The following LRP8 variants were observed in gnomAD, a reference collection of about 807,000 sequenced individuals.
LRP8 encodes LDL receptor related protein 8.
In LRP8, 46 loss-of-function variants were observed where a neutral mutation model predicts 111.6. That is an observed-to-expected ratio of 0.41 (90% CI 0.33 to 0.53). The LOEUF is 0.53. Ranked by LOEUF, LRP8 falls within the 20% of genes least tolerant of loss-of-function variation. The pLI is 0.20. For missense variants in LRP8, 959 were observed against 1,297.4 expected, an observed-to-expected ratio of 0.74 and a Z score of 4.01; for synonymous variants, 464 against 511.2, an observed-to-expected ratio of 0.91 and a Z score of 1.24.
chr1:53,316,643 CTT>C (rs1404582125), intron 2 of LRP8, among the ~76,000 whole-genome samples: 3 of 152,204 alleles, frequency 2.0e-5, no homozygotes, highest in Non-Finnish European at 4.4e-5. Context: ...ATCCCTGACT[CTT>C]AGGGGAAAAC....
Position 53,250,783 on chromosome 1 carries a change from A to G in LRP8, c.2583T>C (p.Phe861=), listed in dbSNP as rs1645872182. The G allele has an allele frequency of 1.4e-5, 23 of 1,614,024 alleles. No homozygotes were observed. The highest frequency in any genetic ancestry group is 1.9e-5 in the Non-Finnish European group (22 of 1,180,014). Residue 861 remains phenylalanine (F), a synonymous_variant, in exon 17 of 19, where the codon TTT becomes TTC. Transcript: ENST00000306052. This position sits in a 1 kb window ranked among gnomAD's most constrained non-coding sequence, Gnocchi z 4.6. ...WKRKNTKSMN[F]DNPVYRKTTE... ...TTGTTTTCCTGTAGACTGGGTTGTC[A>G]AAATTCATGCTTTTGGTGTTCTTCC... is the stretch of plus-strand genomic sequence containing the variant.
intron 3 of LRP8, among the ~76,000 whole-genome samples, chr1:53,281,227 C>G (rs1006614916): frequency 2.0e-5 from 3 of 152,230 alleles, no homozygotes; most frequent in Non-Finnish European, 4.4e-5. Context: ...AGCCCCCTCC[C>G]CGAGTGATGG....
At chr1:53,302,676 T>C (rs1365525390) in intron 2 of LRP8, among the ~76,000 whole-genome samples, 3 of 151,042 alleles carry the variant, frequency 2.0e-5, no homozygotes, top group Non-Finnish European at 4.4e-5. Context: ...TCAAGCCATA[T>C]GACCTTGGGC....
chr1:53,298,988 C>T (rs1358541928), intron 2 of LRP8, among the ~76,000 whole-genome samples: 1 of 152,222 alleles, frequency 6.6e-6, no homozygotes, highest in African/African-American at 2.4e-5. Context: ...CTCTCGGCCC[C>T]CACTAACTGT....
chr1:53,313,033 G>C (rs935181573), intron 2 of LRP8, among the ~76,000 whole-genome samples: 2 of 152,218 alleles, frequency 1.3e-5, no homozygotes, highest in African/African-American at 4.8e-5. Context: ...TTCTGGTCTA[G>C]CTGCAGCCTC....
chr1:53,306,688 G>C (rs1376587473), intron 2 of LRP8, among the ~76,000 whole-genome samples: 1 of 152,198 alleles, frequency 6.6e-6, no homozygotes, highest in Non-Finnish European at 1.5e-5. Flanking sequence ...AGATGGTTCT[G>C]AGGACAGGTT....
intron 15 of LRP8, among the ~76,000 whole-genome samples, chr1:53,255,980 T>C (rs559687186): frequency 9.2e-5 from 14 of 152,352 alleles, no homozygotes; most frequent in African/African-American, 2.9e-4. Flanking sequence ...TAAAAAGATA[T>C]GTAAAAGCAC....
At chr1:53,270,321 G>C (rs1646720560) in intron 8 of LRP8, among the ~76,000 whole-genome samples, 1 of 152,198 alleles carries the variant, frequency 6.6e-6, no homozygotes, top group African/African-American at 2.4e-5. Flanking sequence ...CCCAGAAACT[G>C]CTCACTCTGC....
At chr1:53,270,667 T>C (rs1572495983) in intron 8 of LRP8, among the ~76,000 whole-genome samples, 1 of 152,184 alleles carries the variant, frequency 6.6e-6, no homozygotes, top group African/African-American at 2.4e-5. Context: ...GCAGAACTCT[T>C]AGGGCTGCCG....
In LRP8 at chr1:53,266,725, C is replaced by A; in HGVS notation, c.1253-78G>T. 1 of 1,348,186 alleles carries A rather than the reference C, an allele frequency of 7.4e-7. No individual in the cohort carries two copies. The highest frequency in any genetic ancestry group is 1.8e-5 in the Admixed American group (1 of 56,892). 83.5% of individuals were successfully genotyped at this position (1,348,186 alleles called of 1,614,324 possible). On this transcript the variant is annotated intron_variant, in intron 8 of 18. Transcript: ENST00000306052. The surrounding 1 kb of genome is among the most constrained non-coding windows in gnomAD (Gnocchi z 5.0). ...CTGGAGACCAAGACTCTGCCACTGGCTTGCTGGCTGACACATCCATTTTCC... is the reference window on the plus strand; with the variant it reads ...CTGGAGACCAAGACTCTGCCACTGGATTGCTGGCTGACACATCCATTTTCC...
At chr1:53,312,529 T>C (rs1246175724) in intron 2 of LRP8, among the ~76,000 whole-genome samples, 1 of 151,898 alleles carries the variant, frequency 6.6e-6, no homozygotes, top group Non-Finnish European at 1.5e-5. Context: ...TGGCTAATTT[T>C]TTTTTTTTTT....
chr1:53,268,798 C>T (rs1365328254), intron 8 of LRP8, among the ~76,000 whole-genome samples: 2 of 152,186 alleles, frequency 1.3e-5, no homozygotes, highest in Non-Finnish European at 2.9e-5. Flanking sequence ...ATTCCACATT[C>T]AATTCATAAG....
In LRP8 at chr1:53,250,954, T is replaced by C; in HGVS notation, c.2504-92A>G. 9.7e-7 allele frequency: 1 copy of C among 1,026,998 alleles called. No individual in the cohort carries two copies. The highest frequency in any genetic ancestry group is 1.4e-5 in the South Asian group (1 of 72,104). 63.6% of individuals were successfully genotyped at this position (1,026,998 alleles called of 1,614,324 possible). A position where few individuals can be genotyped will look rare whatever the true frequency, so the allele number is the denominator to read the frequency against. On this transcript the variant is annotated intron_variant, in intron 16 of 18. Transcript: ENST00000306052. The surrounding 1 kb of genome is among the most constrained non-coding windows in gnomAD (Gnocchi z 4.6). ...AGGCTTGTCACCACTCCACTTTTAC[T>C]ACCCTTTGCTCCTCAGGCTCTGTTT...
At chr1:53,284,724 C>G (rs989312717) in intron 3 of LRP8, among the ~76,000 whole-genome samples, 4 of 152,160 alleles carry the variant, frequency 2.6e-5, no homozygotes, top group African/African-American at 9.7e-5. Context: ...TTGCTGTGTC[C>G]CTAAATAGAC....
At chr1:53,308,368 C>G (rs1652381094) in intron 2 of LRP8, among the ~76,000 whole-genome samples, 1 of 152,222 alleles carries the variant, frequency 6.6e-6, no homozygotes, top group Admixed American at 6.5e-5. Flanking sequence ...CTGGGGAGCC[C>G]CACCTTATTC....
In LRP8 at chr1:53,243,400, G is replaced by C. The variant is rs1050000653; in HGVS notation, c.*3618C>G. 2.6e-5 allele frequency: 4 copies of C among 152,116 alleles called. 1 individual carries two copies. The highest frequency in any genetic ancestry group is 2.6e-4 in the Admixed American group (4 of 15,280). The allele number at this position is 152,116 out of a possible 1,614,324, so 9.4% of individuals were successfully genotyped here. ...TTCATTGACCATATAAAAAATCTTTGACTCAAATATATGAAAAGCAGTCAG... is the reference window on the plus strand; with the variant it reads ...TTCATTGACCATATAAAAAATCTTTCACTCAAATATATGAAAAGCAGTCAG... On this transcript the variant is annotated 3_prime_UTR_variant, in exon 19 of 19. Transcript: ENST00000306052.
intron 2 of LRP8, among the ~76,000 whole-genome samples, chr1:53,322,757 G>A (rs1255707606): frequency 6.6e-6 from 1 of 152,172 alleles, no homozygotes; most frequent in Non-Finnish European, 1.5e-5. Context: ...CCAGTGTCAG[G>A]AGCACACGTC....
Position 53,272,462 on chromosome 1 carries a change from C to T in LRP8, c.1007-1116G>A, listed in dbSNP as rs2100409778. On this transcript the variant is annotated intron_variant, in intron 6 of 18. Coordinates refer to ENST00000306052, the MANE Select transcript of LRP8 (RefSeq NM_004631.5). ...TGCCCCCCAGGCTCATGCACTGCCA[C>T]TCCAGCCAAGCCAAGCAGTGCTGAG... 1.1e-5 allele frequency: 8 copies of T among 722,764 alleles called. No individual in the cohort carries two copies. The South Asian group carries it at 1.3e-4, about 12-fold the overall frequency. 44.8% of individuals were successfully genotyped at this position (722,764 alleles called of 1,614,324 possible).
intron 2 of LRP8, among the ~76,000 whole-genome samples, chr1:53,314,553 C>A (rs1653547086): frequency 6.6e-6 from 1 of 152,152 alleles, no homozygotes; most frequent in African/African-American, 2.4e-5. Context: ...GCAGAGGCCC[C>A]ATTAACAGAG....
Sources: allele counts gnomAD v4.1 joint callset (sites outside exome capture counted in the v4.1 genomes callset), GRCh38; gene constraint gnomAD v4.1.1; non-coding constraint Gnocchi (gnomAD v3.1); transcripts MANE v1.5; gene names NCBI Gene and HGNC (gene_info 2026-07-23, HGNC 2026-07-21).